Variants in PGGT1B observed in about 807,000 individuals in gnomAD.
PGGT1B encodes the protein protein geranylgeranyltransferase type I subunit beta, also known as geranylgeranyl transferase type-1 subunit beta.
A neutral mutation model predicts 46.1 loss-of-function variants in PGGT1B; 30 were observed. The ratio of observed to expected loss-of-function variants is 0.65; its 90% CI spans 0.49 to 0.88. The LOEUF (loss-of-function observed/expected upper bound fraction) is 0.88. Among genes scored for constraint, PGGT1B ranks in the 40% least tolerant of loss-of-function variants. The pLI, the probability that PGGT1B is intolerant of heterozygous loss-of-function variation, is 0.00. For synonymous variants in PGGT1B, 170 were observed against 160.0 expected, an observed-to-expected ratio of 1.06 and a Z score of -0.47; for missense variants, 376 against 455.9, an observed-to-expected ratio of 0.82 and a Z score of 1.60.
At chr5:115,227,633 G>A (rs1756829436) in intron 6 of PGGT1B, among the ~76,000 whole-genome samples, 1 of 152,164 alleles carries the variant, frequency 6.6e-6, no homozygotes, top group African/African-American at 2.4e-5. Flanking sequence ...CTGTGCCACT[G>A]TTTCAGGAGA....
intron 2 of PGGT1B, among the ~76,000 whole-genome samples, chr5:115,245,045 T>C (rs1005056): frequency 0.089 from 13,579 of 152,264 alleles, 1,222 homozygotes; most frequent in East Asian, 0.47. Context: ...TCCTTTCAAG[T>C]TACTAATCTG....
chr5:115,251,123 A>G (rs1485681903), intron 2 of PGGT1B, among the ~76,000 whole-genome samples: 2 of 152,150 alleles, frequency 1.3e-5, no homozygotes, highest in African/African-American at 4.8e-5. Flanking sequence ...CTGAGTATAC[A>G]CTAGAACTGT....
chr5:115,224,972 A>G (rs1047165908), intron 6 of PGGT1B, among the ~76,000 whole-genome samples: 3 of 152,154 alleles, frequency 2.0e-5, no homozygotes, highest in African/African-American at 2.4e-5. Flanking sequence ...CTAAAATGGA[A>G]TATCTTTTTG....
At chr5:115,213,509 A>G (rs1210409000) in intron 8 of PGGT1B, among the ~76,000 whole-genome samples, 3 of 152,084 alleles carry the variant, frequency 2.0e-5, no homozygotes, top group African/African-American at 4.8e-5. Flanking sequence ...GGTGGCTCAC[A>G]CCTGTAATCC....
Position 115,242,965 on chromosome 5 carries a change from G to GA in PGGT1B, c.260-1360dup, listed in dbSNP as rs10551500. ...CTGGGCGACAGAGTCAAACTGTCTT[G>GA]AAAAAAAAAAAAGATACTAATGGTG... On this transcript the variant is annotated intron_variant, in intron 2 of 8. Transcript: ENST00000419445. Among the ~76,000 whole-genome samples, 922 of 146,938 alleles carry GA rather than the reference G, an allele frequency of 6.3e-3. 4 individuals carry two copies. The highest frequency in any genetic ancestry group is 0.042 in the Middle Eastern group (12 of 284).
chr5:115,220,901 T>C (rs1487422779), intron 7 of PGGT1B, among the ~76,000 whole-genome samples: 8 of 151,932 alleles, frequency 5.3e-5, no homozygotes, highest in Admixed American at 3.9e-4. Flanking sequence ...AATTAGAGTA[T>C]GGATGAAGAA....
intron 2 of PGGT1B, 56 bp downstream of exon 2, chr5:115,253,079 CAT>C (rs1478442950): frequency 6.1e-6 from 9 of 1,476,408 alleles, no homozygotes; most frequent in Non-Finnish European, 7.4e-6. Context: ...TAGTCCAACA[CAT>C]GTTATGTCAG....
chr5:115,257,389 C>G, intron 1 of PGGT1B, among the ~76,000 whole-genome samples: 1 of 152,008 alleles, frequency 6.6e-6, no homozygotes, highest in Non-Finnish European at 1.5e-5. Context: ...TGGTGGGCAC[C>G]TGTAATCCCA....
chr5:115,235,492 G>A (rs1410331692), intron 5 of PGGT1B, among the ~76,000 whole-genome samples: 1 of 152,088 alleles, frequency 6.6e-6, no homozygotes, highest in East Asian at 1.9e-4. Flanking sequence ...TAACTTTACA[G>A]AGAAAACTCT....
chr5:115,257,410 A>T (rs1187571728), intron 1 of PGGT1B, among the ~76,000 whole-genome samples: 1 of 151,156 alleles, frequency 6.6e-6, no homozygotes, highest in East Asian at 2.0e-4. Context: ...GCTACTAGGG[A>T]GGCTGAGGCA....
At chr5:115,237,801 T>C (rs1404555682) in intron 4 of PGGT1B, 57 bp downstream of exon 4, 2 of 1,465,350 alleles carry the variant, frequency 1.4e-6, no homozygotes, top group African/African-American at 1.4e-5. Context: ...GTATCCATTT[T>C]TTAGTTCCAA....
intron 2 of PGGT1B, among the ~76,000 whole-genome samples, chr5:115,247,765 G>C (rs1747916589): frequency 6.6e-6 from 1 of 152,110 alleles, no homozygotes; most frequent in South Asian, 2.1e-4. Context: ...AGGCAGACAG[G>C]AGATATTCTT....
chr5:115,255,246 C>G (rs1748263666), intron 1 of PGGT1B, among the ~76,000 whole-genome samples: 1 of 152,162 alleles, frequency 6.6e-6, no homozygotes, highest in African/African-American at 2.4e-5. Flanking sequence ...TCTATAGACT[C>G]TTGGTTGTAA....
intron 7 of PGGT1B, among the ~76,000 whole-genome samples, chr5:115,217,634 T>C (rs1024821228): frequency 6.6e-6 from 1 of 151,980 alleles, no homozygotes; most frequent in Admixed American, 6.6e-5. Flanking sequence ...TCAAGACATT[T>C]CTGATGATAC....
intron 1 of PGGT1B, among the ~76,000 whole-genome samples, chr5:115,258,959 T>C (rs1382116134): frequency 2.6e-5 from 4 of 152,144 alleles, no homozygotes; most frequent in Non-Finnish European, 4.4e-5. Flanking sequence ...ATAAAGTAAA[T>C]TTCTAAGACC....
At chr5:115,217,650 A>C (rs1245850326) in intron 7 of PGGT1B, among the ~76,000 whole-genome samples, 1 of 152,038 alleles carries the variant, frequency 6.6e-6, no homozygotes, top group Non-Finnish European at 1.5e-5. Flanking sequence ...GATACAAAGC[A>C]ATTTAATATA....
chr5:115,210,989 T>C lies in PGGT1B; in HGVS notation c.*1413A>G, dbSNP rs888460260. 2.6e-5 allele frequency: 4 copies of C among 152,086 alleles called. No individual in the cohort carries two copies. Among genetic ancestry groups the C allele is most frequent in the African/African-American group, 9.6e-5 (4 of 41,452 alleles). The allele number at this position is 152,086 out of a possible 1,614,324, so 9.4% of individuals were successfully genotyped here. ...GTGTTTCCCTTGGGAAGGACTGTTA[T>C]TTCACAACATTTTTTTCCCTCTGAT... On this transcript the variant is annotated 3_prime_UTR_variant, in exon 9 of 9. Coordinates refer to ENST00000419445, the MANE Select transcript of PGGT1B (RefSeq NM_005023.4).
chr5:115,242,982 C>T (rs913832724), intron 2 of PGGT1B, among the ~76,000 whole-genome samples: 1 of 151,502 alleles, frequency 6.6e-6, no homozygotes, highest in Non-Finnish European at 1.5e-5. Flanking sequence ...AAAAAAGATA[C>T]TAATGGTGAT....
chr5:115,261,148 T>C (rs1748540842), intron 1 of PGGT1B, among the ~76,000 whole-genome samples: 1 of 152,234 alleles, frequency 6.6e-6, no homozygotes, highest in Non-Finnish European at 1.5e-5. Context: ...AATTAATCCC[T>C]ATTAAGATAT....
Sources: allele counts gnomAD v4.1 joint callset (sites outside exome capture counted in the v4.1 genomes callset), GRCh38; gene constraint gnomAD v4.1.1; transcripts MANE v1.5; gene names NCBI Gene and HGNC (gene_info 2026-07-23, HGNC 2026-07-21).